The following ZMIZ1 variants were observed in gnomAD, a reference collection of about 807,000 sequenced individuals.
ZMIZ1 encodes zinc finger MIZ domain-containing protein 1.
Under a neutral mutation model 113.9 loss-of-function variants are expected in ZMIZ1, and 17 were observed. The observed-to-expected ratio is 0.15, with a 90% CI of 0.10 to 0.22. ZMIZ1 has a LOEUF of 0.22. Ranked by LOEUF, ZMIZ1 falls within the 10% of genes least tolerant of loss-of-function variation. The pLI is 1.00. For synonymous variants in ZMIZ1, 607 were observed against 603.1 expected (o/e 1.01, Z -0.09); for missense variants, 1,059 against 1,477.8 (o/e 0.72, Z 4.65).
chr10:79,169,961 C>T (rs1369772820), intron 4 of ZMIZ1, among the ~76,000 whole-genome samples: 2 of 152,226 alleles, frequency 1.3e-5, no homozygotes, highest in African/African-American at 2.4e-5. Flanking sequence ...AGACAATGGA[C>T]CCCCAGGTCT....
intron 4 of ZMIZ1, among the ~76,000 whole-genome samples, chr10:79,200,834 A>ACATGTG (rs56369090): frequency 1.3e-5 from 2 of 151,634 alleles, no homozygotes; most frequent in Admixed American, 6.5e-5. Flanking sequence ...CACTCAGAGC[A>ACATGTG]CATGTGCATG....
chr10:79,196,505 T>A (rs1847837758), intron 4 of ZMIZ1, among the ~76,000 whole-genome samples: 1 of 152,112 alleles, frequency 6.6e-6, no homozygotes, highest in South Asian at 2.1e-4. Context: ...CCCTTAATAT[T>A]CCAGGAATCT....
intron 17 of ZMIZ1, among the ~76,000 whole-genome samples, chr10:79,301,623 GA>G (rs1034415894): frequency 2.0e-5 from 3 of 152,208 alleles, no homozygotes; most frequent in Non-Finnish European, 4.4e-5. Context: ...AGGCTACACA[GA>G]GATAGGGGTC....
chr10:79,071,315 G>C lies in ZMIZ1; in HGVS notation c.-337+2045G>C, dbSNP rs1278590487. On this transcript the variant is annotated intron_variant, in intron 1 of 24. Transcript: ENST00000334512. Reference sequence around the variant, plus strand: ...AGTGCCGACTCCTCCTCCCTGGTGGGTGTGAGGACAGGCTGGTTACACAGG... The same window carrying C: ...AGTGCCGACTCCTCCTCCCTGGTGGCTGTGAGGACAGGCTGGTTACACAGG... Among the ~76,000 whole-genome samples, 4 of 152,272 alleles carry C rather than the reference G, an allele frequency of 2.6e-5. No individual in the cohort carries two copies. In the South Asian group the frequency reaches 6.2e-4, roughly 24 times the overall value.
intron 4 of ZMIZ1, among the ~76,000 whole-genome samples, chr10:79,193,389 A>G (rs1323927639): frequency 6.6e-6 from 1 of 152,176 alleles, no homozygotes; most frequent in African/African-American, 2.4e-5. Flanking sequence ...AAGTACATGT[A>G]TCTCTCTTTG....
At chr10:79,137,458 A>C (rs1400281050) in intron 2 of ZMIZ1, among the ~76,000 whole-genome samples, 1 of 152,196 alleles carries the variant, frequency 6.6e-6, no homozygotes, top group Non-Finnish European at 1.5e-5. Context: ...ACTCACCCGG[A>C]CTAGGTGTGG....
In ZMIZ1 at chr10:79,275,606, C is replaced by T. The variant is rs536274699; in HGVS notation, c.281-1575C>T. Among the ~76,000 whole-genome samples the T allele has an allele frequency of 7.2e-5, 11 of 152,328 alleles. No homozygotes were observed. In the East Asian group the frequency reaches 1.4e-3, roughly 19 times the overall value. Reference sequence around the variant, plus strand: ...GTGTCTTCCACCAGTGCCGGCCAAACGTGGTGGCGTACAAGAGGCCTGAGG... The same window carrying T: ...GTGTCTTCCACCAGTGCCGGCCAAATGTGGTGGCGTACAAGAGGCCTGAGG... On this transcript the variant is annotated intron_variant, in intron 7 of 24. Coordinates refer to ENST00000334512, the MANE Select transcript of ZMIZ1 (RefSeq NM_020338.4).
chr10:79,086,668 C>A (rs538810045), intron 1 of ZMIZ1, among the ~76,000 whole-genome samples: 1 of 152,284 alleles, frequency 6.6e-6, no homozygotes, highest in East Asian at 1.9e-4. Context: ...GCCATCACCC[C>A]GGCTAATTGA....
intron 4 of ZMIZ1, among the ~76,000 whole-genome samples, chr10:79,172,653 T>C (rs1846648336): frequency 6.6e-6 from 1 of 152,194 alleles, no homozygotes; most frequent in African/African-American, 2.4e-5. Flanking sequence ...GGTTGGCCTC[T>C]CACTCAACCT....
chr10:79,138,277 A>G (rs1045554241), intron 2 of ZMIZ1, among the ~76,000 whole-genome samples: 6 of 152,220 alleles, frequency 3.9e-5, no homozygotes, highest in Non-Finnish European at 7.3e-5. Flanking sequence ...CATAGGTTGT[A>G]GGGCTCAGGG....
At chr10:79,202,683 C>T (rs899293572) in intron 5 of ZMIZ1, among the ~76,000 whole-genome samples, 3 of 152,222 alleles carry the variant, frequency 2.0e-5, no homozygotes, top group African/African-American at 7.2e-5. Context: ...GGTGGGGAAC[C>T]TTTCACAGGG....
At chr10:79,194,492 G>A (rs1397313853) in intron 4 of ZMIZ1, among the ~76,000 whole-genome samples, 2 of 152,228 alleles carry the variant, frequency 1.3e-5, no homozygotes, top group Admixed American at 1.3e-4. Flanking sequence ...CATTTCTGTG[G>A]GGCAGCTAGA....
intron 23 of ZMIZ1, among the ~76,000 whole-genome samples, chr10:79,310,032 A>C (rs959836455): frequency 6.6e-6 from 1 of 152,070 alleles, no homozygotes; most frequent in African/African-American, 2.4e-5. Context: ...CCACCCACCC[A>C]CAGACAGCCC....
At position 79,307,504 on chromosome 10, in the gene ZMIZ1, A is replaced by T. The variant is rs1480519161; in HGVS notation, c.2768A>T (p.His923Leu). Residue 923 changes from histidine (H) to leucine (L), a missense_variant, in exon 23 of 25, where the codon CAC becomes CTC. Physicochemically the swap from His to Leu is moderately conservative, Grantham distance 99. Around this residue, in one of 6 missense-constraint regions of ZMIZ1, gnomAD observed 225 missense variants for 276.0 expected, o/e 0.82. Transcript: ENST00000334512. ...ATGCACGGGCCCCCCCAGCTCTCCC[A>T]CCCCCCGGACATGCCCAACAACATG... ...DFMHGPPQLSHPPDMPNNMAA... is the reference protein window; with the variant it reads ...DFMHGPPQLSLPPDMPNNMAA... 7.8e-7 allele frequency: 1 copy of T among 1,287,384 alleles called. No individual in the cohort carries two copies. The allele number at this position is 1,287,384 out of a possible 1,614,324, so 79.7% of individuals were successfully genotyped here.
At chr10:79,292,969 G>T (rs1853605778) in intron 11 of ZMIZ1, 2 of 443,286 alleles carry the variant, frequency 4.5e-6, no homozygotes, top group Admixed American at 2.6e-5. Context: ...CCAAGGGCAG[G>T]GCCAGGGCTT....
intron 1 of ZMIZ1, among the ~76,000 whole-genome samples, chr10:79,080,508 C>T (rs1469275412): frequency 6.6e-6 from 1 of 151,974 alleles, no homozygotes; most frequent in Admixed American, 6.6e-5. Context: ...GGGGTTTTGC[C>T]ATATTGGCCA....
At chr10:79,114,335 G>A (rs11002826) in intron 1 of ZMIZ1, among the ~76,000 whole-genome samples, 26,190 of 152,226 alleles carry the variant, frequency 0.17, 2,486 homozygotes, top group Middle Eastern at 0.28. Context: ...CCGGTTTAGC[G>A]GGCTAAATGA....
chr10:79,227,999 G>A (rs1322476704), intron 7 of ZMIZ1, among the ~76,000 whole-genome samples: 14 of 152,260 alleles, frequency 9.2e-5, no homozygotes. Flanking sequence ...TGTGCCCTGG[G>A]CAAGGGATGT....
chr10:79,148,738 G>C (rs974053662), intron 3 of ZMIZ1, among the ~76,000 whole-genome samples: 1 of 152,324 alleles, frequency 6.6e-6, no homozygotes, highest in Admixed American at 6.5e-5. Flanking sequence ...GGGTCACGAG[G>C]CTTACTACTG....
Sources: allele counts gnomAD v4.1 joint callset (sites outside exome capture counted in the v4.1 genomes callset), GRCh38; gene constraint gnomAD v4.1.1; regional missense constraint gnomAD v4.1.1; transcripts MANE v1.5; gene names NCBI Gene and HGNC (gene_info 2026-07-23, HGNC 2026-07-21).